Variants in L3MBTL4 observed in about 807,000 individuals in gnomAD.
The protein encoded by L3MBTL4 is lethal(3)malignant brain tumor-like protein 4.
Under a neutral mutation model 84.5 loss-of-function variants are expected in L3MBTL4, and 70 were observed. The observed-to-expected ratio is 0.83, with a 90% CI of 0.68 to 1.01. The LOEUF (loss-of-function observed/expected upper bound fraction) is 1.01, where lower values mean the gene tolerates loss of function less well. Among genes scored for constraint, L3MBTL4 ranks in the 50% least tolerant of loss-of-function variants. L3MBTL4 has a pLI of 0.00. For synonymous variants in L3MBTL4, 274 were observed against 259.8 expected, an observed-to-expected ratio of 1.05 and a Z score of -0.52; for missense variants, 715 against 754.8, an observed-to-expected ratio of 0.95 and a Z score of 0.62.
intron 5 of L3MBTL4, among the ~76,000 whole-genome samples, chr18:6,248,728 A>G (rs908090447): frequency 1.3e-5 from 2 of 152,066 alleles, no homozygotes; most frequent in Non-Finnish European, 2.9e-5. Context: ...TTGCATTACT[A>G]ATGTCTCTTG....
At chr18:6,369,011 C>T (rs990738731) in intron 1 of L3MBTL4, among the ~76,000 whole-genome samples, 3 of 151,358 alleles carry the variant, frequency 2.0e-5, no homozygotes, top group African/African-American at 7.3e-5. Flanking sequence ...CACTGCACTC[C>T]AGCCTGGGTG....
intron 16 of L3MBTL4, among the ~76,000 whole-genome samples, chr18:6,000,971 T>A (rs2145259624): frequency 6.6e-6 from 1 of 152,286 alleles, no homozygotes; most frequent in East Asian, 1.9e-4. Context: ...CTTCCGGAGG[T>A]CAGCTTAGAT....
intron 16 of L3MBTL4, among the ~76,000 whole-genome samples, chr18:6,045,525 T>C (rs2056578561): frequency 6.6e-6 from 1 of 152,152 alleles, no homozygotes; most frequent in Non-Finnish European, 1.5e-5. Flanking sequence ...GAGGAGCAAG[T>C]CACATCTTAT....
chr18:6,008,180 G>A (rs2054575667), intron 16 of L3MBTL4, among the ~76,000 whole-genome samples: 1 of 152,110 alleles, frequency 6.6e-6, no homozygotes, highest in Non-Finnish European at 1.5e-5. Context: ...ATCTATCCTT[G>A]CAGAGTGAGA....
At chr18:6,165,895 A>C (rs2043625978) in intron 13 of L3MBTL4, among the ~76,000 whole-genome samples, 1 of 152,202 alleles carries the variant, frequency 6.6e-6, no homozygotes, top group South Asian at 2.1e-4. Flanking sequence ...CAAATTGGAT[A>C]AACAGTCAAG....
chr18:6,361,079 C>A (rs185983234), intron 1 of L3MBTL4, among the ~76,000 whole-genome samples: 176 of 148,336 alleles, frequency 1.2e-3, no homozygotes, highest in Non-Finnish European at 1.9e-3. Context: ...ATGATTATAA[C>A]AACACCAGTA....
At chr18:6,338,685 T>TA (rs1474264103) in intron 1 of L3MBTL4, among the ~76,000 whole-genome samples, 1 of 151,912 alleles carries the variant, frequency 6.6e-6, no homozygotes, top group Non-Finnish European at 1.5e-5. Flanking sequence ...ATACTCTAAT[T>TA]AAAAAACCAA....
intron 16 of L3MBTL4, among the ~76,000 whole-genome samples, chr18:6,051,313 TG>T (rs1472292933): frequency 3.9e-5 from 6 of 152,122 alleles, no homozygotes; most frequent in African/African-American, 1.4e-4. Flanking sequence ...CTGTGGTGGA[TG>T]GATCACCCGA....
At chr18:6,340,193 T>C (rs1258192186) in intron 1 of L3MBTL4, among the ~76,000 whole-genome samples, 4 of 152,140 alleles carry the variant, frequency 2.6e-5, no homozygotes, top group Non-Finnish European at 5.9e-5. Flanking sequence ...GATGGCAGAA[T>C]AGCAAATGCC....
chr18:5,965,580 C>T (rs1480147534), intron 17 of L3MBTL4, among the ~76,000 whole-genome samples: 1 of 152,216 alleles, frequency 6.6e-6, no homozygotes, highest in Non-Finnish European at 1.5e-5. Context: ...GTCATTTTTA[C>T]TGTGGCCTCT....
At chr18:6,038,829 T>C (rs1284333669) in intron 16 of L3MBTL4, among the ~76,000 whole-genome samples, 2 of 152,132 alleles carry the variant, frequency 1.3e-5, no homozygotes, top group Non-Finnish European at 2.9e-5. Flanking sequence ...GTGGATTGAA[T>C]GTCTGTGTTC....
intron 13 of L3MBTL4, among the ~76,000 whole-genome samples, chr18:6,149,777 A>G (rs112498911): frequency 3.7e-4 from 56 of 152,188 alleles, no homozygotes; most frequent in African/African-American, 1.3e-3. Flanking sequence ...AACCCACCTA[A>G]TTTGGTACTT....
intron 16 of L3MBTL4, among the ~76,000 whole-genome samples, chr18:5,999,708 G>T (rs2054131846): frequency 6.6e-6 from 1 of 152,124 alleles, no homozygotes; most frequent in Middle Eastern, 3.2e-3. Context: ...TGTAAAAAGG[G>T]CCAGAAGCAA....
intron 16 of L3MBTL4, among the ~76,000 whole-genome samples, chr18:6,007,742 T>C (rs1385663152): frequency 1.4e-4 from 21 of 152,168 alleles, no homozygotes; most frequent in Admixed American, 1.4e-3. Context: ...GATATATCCA[T>C]CCAGTGGAAC....
At chr18:5,974,475 C>T (rs375067576) in intron 16 of L3MBTL4, among the ~76,000 whole-genome samples, 6 of 152,228 alleles carry the variant, frequency 3.9e-5, no homozygotes, top group African/African-American at 1.4e-4. Flanking sequence ...GATGCAAGTC[C>T]ACTGGTAAGT....
intron 16 of L3MBTL4, among the ~76,000 whole-genome samples, chr18:6,047,127 CA>C (rs2056657042): frequency 6.6e-6 from 1 of 152,134 alleles, no homozygotes; most frequent in African/African-American, 2.4e-5. Flanking sequence ...CATCTCTATG[CA>C]CACAATCTGG....
At chr18:6,152,066 CT>C (rs1206820664) in intron 13 of L3MBTL4, among the ~76,000 whole-genome samples, 1 of 152,138 alleles carries the variant, frequency 6.6e-6, no homozygotes, top group Admixed American at 6.5e-5. Flanking sequence ...GGATTTCTTT[CT>C]TTTTATGGAT....
intron 1 of L3MBTL4, among the ~76,000 whole-genome samples, chr18:6,346,004 A>C (rs1435615262): frequency 6.6e-6 from 1 of 151,298 alleles, no homozygotes; most frequent in Non-Finnish European, 1.5e-5. Context: ...ATGGAGCGCC[A>C]AGAAATAAAC....
chr18:6,210,336 G>C (rs1333269336), intron 12 of L3MBTL4, among the ~76,000 whole-genome samples: 3 of 152,118 alleles, frequency 2.0e-5, no homozygotes, highest in Non-Finnish European at 2.9e-5. Flanking sequence ...GGGGTCATGG[G>C]CAGTCACAAC....
Sources: allele counts gnomAD v4.1 joint callset (sites outside exome capture counted in the v4.1 genomes callset), GRCh38; gene constraint gnomAD v4.1.1; transcripts MANE v1.5; gene names NCBI Gene and HGNC (gene_info 2026-07-23, HGNC 2026-07-21).